Variants in A2M observed in about 807,000 individuals in gnomAD.
The protein encoded by A2M is alpha-2-macroglobulin.
A2M carries 128 observed loss-of-function variants against 183.9 expected under a neutral mutation model. The observed-to-expected ratio is 0.70, with a 90% CI of 0.60 to 0.81. The LOEUF (loss-of-function observed/expected upper bound fraction) is 0.81, where lower values mean the gene tolerates loss of function less well. A2M is among the 30% of genes least tolerant of loss of function. The pLI is 0.00. For missense variants in A2M, 1,495 were observed against 1,787.6 expected (o/e 0.84, Z 2.95); for synonymous variants, 592 against 670.8 (o/e 0.88, Z 1.81).
Position 9,112,377 on chromosome 12 carries a change from C to G in A2M, c.430G>C (p.Val144Leu). 1 of 1,613,330 alleles carries G rather than the reference C, an allele frequency of 6.2e-7. No individual in the cohort carries two copies. Among genetic ancestry groups the G allele is most frequent in the Non-Finnish European group, 8.5e-7 (1 of 1,179,416 alleles). Residue 144 changes from valine to leucine, a missense_variant and splice_region_variant, in exon 3 of 36, where the codon GTG (valine) becomes CTG (leucine). Coordinates refer to ENST00000318602, the MANE Select transcript of A2M (RefSeq NM_000014.6). ...GTCCTGTCTGTAGGCTTCTTCATAC[C>G]TGTCTGCCCTGGTTTGTAGATTGAT... ...DKSIYKPGQT[V>L]KFRVVSMDEN... is the part of the protein sequence containing the mutation.
chr12:9,093,666 A>G (rs937053068), intron 17 of A2M, 87 bp from the exon 18 acceptor site: 3 of 745,204 alleles, frequency 4.0e-6, no homozygotes, highest in East Asian at 3.0e-5. Context: ...AAAAAAAAAA[A>G]CAAAAAACAA....
chr12:9,072,253 G>T, intron 31 of A2M, 106 bp downstream of exon 31: 2 of 1,322,224 alleles, frequency 1.5e-6, no homozygotes, highest in East Asian at 2.4e-5. Flanking sequence ...CATTTTTTGT[G>T]AATAGTGCAA....
Position 9,095,681 on chromosome 12 carries a change from T to A in A2M, c.1871A>T (p.Glu624Val), listed in dbSNP as rs113043458. Residue 624 changes from glutamate (E) to valine (V), a missense_variant, in exon 16 of 36, where the codon GAA becomes GTA. Coordinates refer to ENST00000318602, the MANE Select transcript of A2M (RefSeq NM_000014.6). Reference sequence around the variant, plus strand: ...CCCAGGGAAGCCAGTGAGGTCCTTTTCTGGTAGCAGGTTGTAAACCTGTAC... The same window carrying A: ...CCCAGGGAAGCCAGTGAGGTCCTTTACTGGTAGCAGGTTGTAAACCTGTAC... ...SASSVYNLLP[E>V]KDLTGFPGPL... The A allele has an allele frequency of 1.2e-6, 2 of 1,612,482 alleles. No individual in the cohort carries two copies.
At chr12:9,102,341 A>G (rs1937935352) in intron 11 of A2M, among the ~76,000 whole-genome samples, 1 of 152,048 alleles carries the variant, frequency 6.6e-6, no homozygotes, top group South Asian at 2.1e-4. Flanking sequence ...CAGCCTCCTG[A>G]GTTGCTAGGA....
At position 9,075,403 on chromosome 12, in the gene A2M, G is replaced by T. The variant is rs147462835; in HGVS notation, c.3533-620C>A. ...GAAACACAGATGCACAAGAAAACAG[G>T]CACATGAGTATTCATTGCAGCATTT... On this transcript the variant is annotated intron_variant, in intron 28 of 35. Transcript: ENST00000318602. Among the ~76,000 whole-genome samples, 432 of 152,094 alleles carry T rather than the reference G, an allele frequency of 2.8e-3. 2 individuals are homozygous for T. Among genetic ancestry groups the T allele is most frequent in the African/African-American group, 9.8e-3 (406 of 41,506 alleles).
intron 31 of A2M, among the ~76,000 whole-genome samples, chr12:9,071,657 T>A (rs1222664343): frequency 6.6e-6 from 1 of 152,176 alleles, no homozygotes; most frequent in Non-Finnish European, 1.5e-5. Context: ...TATGTTCTCA[T>A]CATTTAGCTC....
chr12:9,106,810 A>G (rs1443317145), intron 8 of A2M, among the ~76,000 whole-genome samples: 3 of 152,194 alleles, frequency 2.0e-5, no homozygotes, highest in Admixed American at 1.3e-4. Context: ...ATTCCTTGGT[A>G]TCTGAAATTC....
intron 29 of A2M, among the ~76,000 whole-genome samples, chr12:9,073,080 A>C (rs749536132): frequency 6.6e-6 from 1 of 152,128 alleles, no homozygotes; most frequent in African/African-American, 2.4e-5. Context: ...TATGCCCTAC[A>C]TGTTTATTTT....
chr12:9,080,290 A>G lies in A2M; in HGVS notation c.2771-113T>C, dbSNP rs1284763746. On this transcript the variant is annotated intron_variant, in intron 22 of 35. Coordinates refer to ENST00000318602, the MANE Select transcript of A2M (RefSeq NM_000014.6). Reference sequence around the variant, plus strand: ...GCCTTATACCTAAACTCCTCCTGAAAAGTTGTCCGCCTTTAATACAACAGT... The same window carrying G: ...GCCTTATACCTAAACTCCTCCTGAAGAGTTGTCCGCCTTTAATACAACAGT... 3 of 578,136 alleles carry G rather than the reference A, an allele frequency of 5.2e-6. No individual in the cohort carries two copies. In the East Asian group the frequency reaches 9.4e-5, roughly 18 times the overall value. 35.8% of individuals were successfully genotyped at this position (578,136 alleles called of 1,614,324 possible).
chr12:9,072,178 A>G (rs1046546260), intron 31 of A2M, among the ~76,000 whole-genome samples, 181 bp downstream of exon 31: 9 of 152,254 alleles, frequency 5.9e-5, no homozygotes, highest in African/African-American at 2.2e-4. Flanking sequence ...GCACAATAGT[A>G]GATCCTGGAT....
At chr12:9,114,439 G>T (rs1209626277) in intron 1 of A2M, among the ~76,000 whole-genome samples, 7 of 151,946 alleles carry the variant, frequency 4.6e-5, no homozygotes, top group African/African-American at 9.7e-5. Context: ...TTAATACTTA[G>T]ATTACTTTTA....
chr12:9,098,335 T>G (rs1029617133), intron 15 of A2M: 2 of 180,110 alleles, frequency 1.1e-5, no homozygotes, highest in East Asian at 2.8e-4. Flanking sequence ...CTTTTTTGGT[T>G]GTTAATTTTC....
At chr12:9,080,738 A>G (rs1024006472) in intron 22 of A2M, among the ~76,000 whole-genome samples, 2 of 152,222 alleles carry the variant, frequency 1.3e-5, no homozygotes, top group Non-Finnish European at 2.9e-5. Context: ...TGAAAATAAA[A>G]TAATTACTAC....
At position 9,074,773 on chromosome 12, in the gene A2M, G is replaced by A. The variant is rs770702623; in HGVS notation, c.3543C>T (p.Val1181=). ...TGGGTTTCTGAGGGCGCTCCCAATG[G>A]ACAGAGTTGTCTTAAAGATGAGAAA... ...NEEAVKKDNS[V]HWERPQKPKA... Residue 1181 remains valine (V), a synonymous_variant, in exon 29 of 36, where the codon GTC becomes GTT. Transcript: ENST00000318602. 1.9e-6 allele frequency: 3 copies of A among 1,612,076 alleles called. No homozygotes were observed. Among genetic ancestry groups the A allele is most frequent in the Non-Finnish European group, 2.5e-6 (3 of 1,179,094 alleles).
chr12:9,090,311 T>C (rs2137787459), intron 20 of A2M, 45 bp downstream of exon 20: 2 of 1,613,282 alleles, frequency 1.2e-6, no homozygotes, highest in Admixed American at 1.7e-5. Flanking sequence ...CACTGCCATA[T>C]ACAATCTTTG....
rs1300705360 is a variant in A2M, at chr12:9,111,524, AT to A, written c.483+634del. 6.6e-6 allele frequency: 3 copies of A among 456,412 alleles called. No individual in the cohort carries two copies. The East Asian group carries it at 2.1e-4, about 32-fold the overall frequency. The allele number at this position is 456,412 out of a possible 1,614,324, so 28.3% of individuals were successfully genotyped here. A position where few individuals can be genotyped will look rare whatever the true frequency, so the allele number is the denominator to read the frequency against. ...AGATGATAAGAAATAGTCTGAATATATTTTAAGCCAACATGATTTTCCAGTG... is the reference window on the plus strand; with the variant it reads ...AGATGATAAGAAATAGTCTGAATATATTTAAGCCAACATGATTTTCCAGTG... On this transcript the variant is annotated intron_variant, in intron 4 of 35. Coordinates refer to ENST00000318602, the MANE Select transcript of A2M (RefSeq NM_000014.6).
At chr12:9,079,429 T>C in intron 24 of A2M, 98 bp from the exon 25 acceptor site, 1 of 1,298,330 alleles carries the variant, frequency 7.7e-7, no homozygotes, top group Non-Finnish European at 1.1e-6. Context: ...GTGACATTTC[T>C]TAAATTTTGT....
intron 17 of A2M, among the ~76,000 whole-genome samples, chr12:9,094,537 C>T (rs1040344899): frequency 2.6e-5 from 4 of 151,856 alleles, no homozygotes; most frequent in African/African-American, 9.7e-5. Flanking sequence ...TCTCTGTACT[C>T]AACTTATCCT....
intron 15 of A2M, 158 bp downstream of exon 15, chr12:9,098,449 T>A (rs226399): frequency 0.71 from 269,223 of 379,550 alleles, 89,166 homozygotes; most frequent in Admixed American, 0.76. Context: ...TATATATATA[T>A]AATTCCTTAC....
Sources: allele counts gnomAD v4.1 joint callset (sites outside exome capture counted in the v4.1 genomes callset), GRCh38; gene constraint gnomAD v4.1.1; transcripts MANE v1.5; gene names NCBI Gene and HGNC (gene_info 2026-07-23, HGNC 2026-07-21).